LYST: variants seen among roughly 807,000 people sequenced by gnomAD.
LYST encodes the protein lysosomal trafficking regulator.
In LYST, 192 loss-of-function variants were observed where a neutral mutation model predicts 413.6. That is an observed-to-expected ratio of 0.46 (90% confidence interval 0.41 to 0.52). The LOEUF is 0.52. LYST is among the 20% of genes least tolerant of loss of function. LYST has a pLI of 0.00. For missense variants in LYST, 3,815 were observed against 4,499.9 expected (o/e 0.85, Z 4.35); for synonymous variants, 1,525 against 1,567.3 (o/e 0.97, Z 0.64).
intron 36 of LYST, 126 bp downstream of exon 36, chr1:235,730,721 C>T: frequency 1.3e-6 from 1 of 757,172 alleles, no homozygotes; most frequent in East Asian, 2.6e-5. Context: ...CTTGTCCTCC[C>T]TTGAGCCTTT....
Position 235,693,403 on chromosome 1 carries a change from T to C in LYST, c.10648A>G (p.Ser3550Gly). The C allele has an allele frequency of 6.2e-7, 1 of 1,613,756 alleles. No homozygotes were observed. Among genetic ancestry groups the C allele is most frequent in the South Asian group, 1.1e-5 (1 of 91,078 alleles). Residue 3550 changes from serine (S) to glycine (G), a missense_variant, in exon 47 of 53, where the codon AGT becomes GGT. Transcript: ENST00000389793. ...GYADNILRLK[S>G]KQSEPPVNFI... is the part of the protein sequence containing the mutation. ...TTTACTGGAGGCTCACTTTGTTTAC[T>C]CTTCAACCTTAAAATATTATCAGCA...
chr1:235,667,292 G>C (rs1658571762), intron 50 of LYST, among the ~76,000 whole-genome samples: 1 of 152,096 alleles, frequency 6.6e-6, no homozygotes, highest in African/African-American at 2.4e-5. Context: ...GGCAACAGAG[G>C]ACCAGGCTAT....
intron 26 of LYST, 54 bp from the exon 27 acceptor site, chr1:235,752,225 T>C (rs1666568306): frequency 7.5e-7 from 1 of 1,340,644 alleles, no homozygotes; most frequent in East Asian, 2.3e-5. Flanking sequence ...AAAGAACAAA[T>C]AATTTAAGAC....
At chr1:235,811,114 C>T (rs893662717) in intron 4 of LYST, among the ~76,000 whole-genome samples, 3 of 152,172 alleles carry the variant, frequency 2.0e-5, no homozygotes, top group Non-Finnish European at 2.9e-5. Flanking sequence ...CACTGCACTC[C>T]AGCCCAGGTG....
intron 42 of LYST, chr1:235,713,139 G>A: frequency 1.0e-6 from 1 of 984,968 alleles, no homozygotes; most frequent in East Asian, 1.1e-4. Flanking sequence ...CATCTATTCT[G>A]TTGAGTCAAT....
chr1:235,733,903 G>C lies in LYST; in HGVS notation c.8539C>G (p.Gln2847Glu). 2 of 1,536,964 alleles carry C rather than the reference G, an allele frequency of 1.3e-6. No individual in the cohort carries two copies. The highest frequency in any genetic ancestry group is 1.7e-5 in the Admixed American group (1 of 59,682). ...ADLIKMIKEE[Q>E]KKYETEEGVN... ...CCTTCTTCAGTTTCATATTTCTTTTGTTCCTAGAAGATTTAGATAATAATA... is the reference window on the plus strand; with the variant it reads ...CCTTCTTCAGTTTCATATTTCTTTTCTTCCTAGAAGATTTAGATAATAATA... The change falls in exon 33 of 53, where the codon CAA (glutamine) becomes GAA (glutamate). Residue 2847 changes from glutamine (Q) to glutamate (E), a missense_variant. Around this residue, in one of 4 missense-constraint regions of LYST, gnomAD observed 771 missense variants for 837.1 expected, o/e 0.92. Coordinates refer to ENST00000389793, the MANE Select transcript of LYST (RefSeq NM_000081.4).
At chr1:235,734,347 G>C in intron 32 of LYST, 136 bp downstream of exon 32, 1 of 767,044 alleles carries the variant, frequency 1.3e-6, no homozygotes, top group Non-Finnish European at 2.2e-6. Context: ...AAGCAATATA[G>C]TATATAGGAA....
intron 1 of LYST, among the ~76,000 whole-genome samples, chr1:235,842,553 G>C (rs946838467): frequency 2.0e-5 from 3 of 152,200 alleles, no homozygotes; most frequent in African/African-American, 7.2e-5. Flanking sequence ...CTAGCATCTA[G>C]AACAGAACAC....
intron 14 of LYST, among the ~76,000 whole-genome samples, chr1:235,786,702 T>C (rs1670448767): frequency 6.6e-6 from 1 of 151,974 alleles, no homozygotes; most frequent in Admixed American, 6.6e-5. Flanking sequence ...ATATACACCA[T>C]GGAATACTAT....
chr1:235,853,684 G>T (rs550281960), intron 1 of LYST, among the ~76,000 whole-genome samples: 2 of 152,202 alleles, frequency 1.3e-5, no homozygotes, highest in East Asian at 3.9e-4. Flanking sequence ...CATTCCGGCT[G>T]CCTTGAAACC....
At chr1:235,788,667 T>C in intron 13 of LYST, 34 bp downstream of exon 13, 10 of 1,599,038 alleles carry the variant, frequency 6.3e-6, no homozygotes, top group Admixed American at 1.7e-5. Context: ...TTAAATACAT[T>C]ATCTATTCAT....
chr1:235,846,350 G>A (rs911515396), intron 1 of LYST, among the ~76,000 whole-genome samples: 7 of 152,088 alleles, frequency 4.6e-5, no homozygotes, highest in African/African-American at 1.2e-4. Flanking sequence ...GGAACACCCC[G>A]TGGGACAAAA....
chr1:235,817,398 A>G (rs887836582), intron 3 of LYST, among the ~76,000 whole-genome samples: 30 of 152,232 alleles, frequency 2.0e-4, no homozygotes, highest in Admixed American at 1.9e-3. Flanking sequence ...AATATAAACC[A>G]TTCTACCATA....
intron 1 of LYST, among the ~76,000 whole-genome samples, chr1:235,836,499 G>A (rs1676592129): frequency 6.6e-6 from 1 of 152,156 alleles, no homozygotes; most frequent in Non-Finnish European, 1.5e-5. Flanking sequence ...ATAAGTAAAT[G>A]GACCATGTGG....
Position 235,829,189 on chromosome 1 carries a change from C to T in LYST, c.192+1037G>A, listed in dbSNP as rs146127165. On this transcript the variant is annotated intron_variant, in intron 3 of 52. Coordinates refer to ENST00000389793, the MANE Select transcript of LYST (RefSeq NM_000081.4). ...CTGCACTCCAGCCTGGGCGACAGAG[C>T]GAGACTCTGTGTCTCAAAAAAAACC... 2.3e-3 allele frequency among the ~76,000 whole-genome samples: 345 copies of T among 152,192 alleles called. 1 individual carries two copies. Among genetic ancestry groups the T allele is most frequent in the Middle Eastern group, 0.017 (5 of 294 alleles).
At chr1:235,722,358 T>C (rs959199297) in intron 39 of LYST, among the ~76,000 whole-genome samples, 1 of 152,216 alleles carries the variant, frequency 6.6e-6, no homozygotes, top group Non-Finnish European at 1.5e-5. Flanking sequence ...GAGAATAATC[T>C]GAAGGGGGGC....
chr1:235,818,069 T>A (rs1215667539), intron 3 of LYST, among the ~76,000 whole-genome samples: 3 of 152,106 alleles, frequency 2.0e-5, no homozygotes, highest in African/African-American at 7.2e-5. Context: ...CATTTCATGA[T>A]TATTTTTGTC....
chr1:235,882,887 C>T (rs142837703), intron 1 of LYST, among the ~76,000 whole-genome samples: 3 of 152,276 alleles, frequency 2.0e-5, no homozygotes, highest in African/African-American at 7.2e-5. Context: ...ATTTTACTGG[C>T]ACCCGAGAAT....
intron 39 of LYST, among the ~76,000 whole-genome samples, chr1:235,723,680 T>C (rs1405581783): frequency 3.9e-5 from 6 of 152,170 alleles, no homozygotes; most frequent in Non-Finnish European, 7.3e-5. Context: ...AAAAGAAAAC[T>C]GGAGGCAGCA....
Sources: gnomAD v4.1 joint callset for allele counts (sites outside exome capture counted in the v4.1 genomes callset) on GRCh38, gnomAD v4.1.1 for gene constraint, gnomAD v4.1.1 regional missense constraint, MANE v1.5 for transcripts, NCBI Gene and HGNC (gene_info 2026-07-23, HGNC 2026-07-21) for gene names.